Variants in ATM observed in about 807,000 individuals in gnomAD.
ATM encodes ATM serine/threonine kinase, also known as serine-protein kinase ATM.
In ATM, 308 loss-of-function variants were observed where a neutral mutation model predicts 387.0. The observed-to-expected ratio is 0.80, with a 90% confidence interval of 0.73 to 0.87. ATM has a LOEUF of 0.87. Among genes scored for constraint, ATM ranks in the 40% least tolerant of loss-of-function variants. The probability of loss-of-function intolerance (pLI) is 0.00; values close to 1 mark genes in which losing one functional copy is unlikely to be tolerated. For synonymous variants in ATM, 1,156 were observed against 1,187.3 expected (o/e 0.97, Z 0.54); for missense variants, 3,312 against 3,560.9 (o/e 0.93, Z 1.78).
At chr11:108,352,912 T>C (rs1591302310) in intron 59 of ATM, among the ~76,000 whole-genome samples, 1 of 151,400 alleles carries the variant, frequency 6.6e-6, no homozygotes, top group Non-Finnish European at 1.5e-5. Flanking sequence ...GCTAGAAAAA[T>C]AGGGGGTCAG....
At chr11:108,326,785 A>G (rs2085722846) in intron 47 of ATM, among the ~76,000 whole-genome samples, 1 of 152,188 alleles carries the variant, frequency 6.6e-6, no homozygotes, top group Non-Finnish European at 1.5e-5. Flanking sequence ...ACAGACATGT[A>G]CCTGCTTAGT....
chr11:108,331,589 T>A (rs773681189), intron 51 of ATM, 32 bp downstream of exon 51: 2 of 1,553,198 alleles, frequency 1.3e-6, no homozygotes. Flanking sequence ...ACCACAATAA[T>A]TATTTTTATT....
At chr11:108,330,467 T>TA (rs750226021) in intron 50 of ATM, 46 bp downstream of exon 50, 2 of 1,582,436 alleles carry the variant, frequency 1.3e-6, no homozygotes, top group South Asian at 2.2e-5. Flanking sequence ...TTGAAAAACT[T>TA]AGACATAAGC....
intron 53 of ATM, 63 bp from the exon 54 acceptor site, chr11:108,333,823 C>T (rs918711384): frequency 7.7e-7 from 1 of 1,304,664 alleles, no homozygotes; most frequent in Non-Finnish European, 1.1e-6. Flanking sequence ...GCTGACTATT[C>T]CTGCTTGACC....
chr11:108,321,278 T>C, intron 44 of ATM, 23 bp from the exon 45 acceptor site: 2 of 1,613,800 alleles, frequency 1.2e-6, no homozygotes, highest in Non-Finnish European at 1.7e-6. Context: ...ATTTTCAGAG[T>C]GTCTTTTCTT....
At chr11:108,330,038 T>C (rs577311042) in intron 49 of ATM, among the ~76,000 whole-genome samples, 176 bp from the exon 50 acceptor site, 1 of 152,366 alleles carries the variant, frequency 6.6e-6, no homozygotes, top group South Asian at 2.1e-4. Flanking sequence ...GGAAGGTGTG[T>C]GAATTGCACA....
intron 50 of ATM, chr11:108,331,202 T>C: frequency 8.3e-7 from 1 of 1,204,808 alleles, no homozygotes; most frequent in East Asian, 4.5e-5. Context: ...CCAAGTATTC[T>C]AGTTCTGAAT....
rs1591517681 is a variant in ATM, at chr11:108,249,000, G to C, written c.1133G>C (p.Ser378Thr). The C allele has an allele frequency of 6.2e-7, 1 of 1,613,234 alleles. No homozygotes were observed. ...QSYTTTQRES[S>T]DYSVPCKRKK... ...TACACTACTACACAAAGAGAATCTA[G>C]TGATTACAGTGTCCCTTGCAAAAGG... is the stretch of plus-strand genomic sequence containing the variant. The change falls in exon 9 of 63, where the codon AGT becomes ACT. Residue 378 changes from serine (S) to threonine (T), a missense_variant. Ser to Thr is a moderately conservative substitution (Grantham distance 58, BLOSUM62 1). Transcript: ENST00000675843.
At chr11:108,318,063 T>C (rs1229444096) in intron 43 of ATM, among the ~76,000 whole-genome samples, 1 of 152,070 alleles carries the variant, frequency 6.6e-6, no homozygotes, top group African/African-American at 2.4e-5. Flanking sequence ...ATATTTTCTT[T>C]TATTAAAAAA....
At chr11:108,255,778 G>A (rs2080437133) in intron 13 of ATM, among the ~76,000 whole-genome samples, 3 of 152,286 alleles carry the variant, frequency 2.0e-5, no homozygotes, top group South Asian at 4.1e-4. Context: ...ATTCTGTGGA[G>A]TCTAAAAAGC....
At chr11:108,298,377 A>G (rs1231209576) in intron 33 of ATM, among the ~76,000 whole-genome samples, 1 of 152,260 alleles carries the variant, frequency 6.6e-6, no homozygotes, top group Non-Finnish European at 1.5e-5. Context: ...CTAATATAGA[A>G]AAGTATACAG....
chr11:108,327,205 G>A (rs889402934), intron 47 of ATM, among the ~76,000 whole-genome samples: 2 of 152,170 alleles, frequency 1.3e-5, no homozygotes, highest in Non-Finnish European at 2.9e-5. Context: ...CCAAAGCACT[G>A]AGTGCCAATA....
intron 54 of ATM, among the ~76,000 whole-genome samples, chr11:108,334,648 C>T (rs993490867): frequency 1.3e-5 from 2 of 152,072 alleles, no homozygotes; most frequent in African/African-American, 4.8e-5. Flanking sequence ...TAGGTGATTT[C>T]GCTGAATGTT....
intron 22 of ATM, among the ~76,000 whole-genome samples, chr11:108,274,087 T>G (rs2081783462): frequency 2.0e-5 from 3 of 152,218 alleles, no homozygotes; most frequent in African/African-American, 7.2e-5. Flanking sequence ...GACTTCTTCC[T>G]GCTTTAGTTG....
At chr11:108,294,735 G>C (rs1565465764) in intron 31 of ATM, among the ~76,000 whole-genome samples, 192 bp from the exon 32 acceptor site, 1 of 152,068 alleles carries the variant, frequency 6.6e-6, no homozygotes. Flanking sequence ...GCGAGACTCT[G>C]TCTAAAAAAG....
At chr11:108,261,368 G>A (rs949812171) in intron 16 of ATM, among the ~76,000 whole-genome samples, 4 of 152,172 alleles carry the variant, frequency 2.6e-5, no homozygotes, top group East Asian at 3.9e-4. Context: ...CCCCAGCAGG[G>A]GCACACTGAC....
At chr11:108,235,588 G>C (rs1051258001) in intron 4 of ATM, 82 bp from the exon 5 acceptor site, 1 of 1,277,340 alleles carries the variant, frequency 7.8e-7, no homozygotes, top group African/African-American at 1.5e-5. Context: ...TTCCCAAATG[G>C]AATTATTTAA....
At chr11:108,270,927 C>G (rs1453358327) in intron 18 of ATM, 137 bp from the exon 19 acceptor site, 1 of 736,072 alleles carries the variant, frequency 1.4e-6, no homozygotes, top group Non-Finnish European at 2.4e-6. Flanking sequence ...AACTCCTGAC[C>G]TTGTGATCTG....
chr11:108,263,753 AAG>A (rs762265976), intron 16 of ATM, among the ~76,000 whole-genome samples: 2 of 147,356 alleles, frequency 1.4e-5, no homozygotes, highest in Non-Finnish European at 3.0e-5. Flanking sequence ...TAAAGAAAAA[AAG>A]AGAGAAGAAT....
Sources: allele counts gnomAD v4.1 joint callset (sites outside exome capture counted in the v4.1 genomes callset), GRCh38; gene constraint gnomAD v4.1.1; transcripts MANE v1.5; gene names NCBI Gene and HGNC (gene_info 2026-07-23, HGNC 2026-07-21).